The following CSTPP1 variants were observed in gnomAD, a reference collection of about 807,000 sequenced individuals.
CSTPP1 encodes centriolar satellite-associated tubulin polyglutamylase complex regulator 1.
the CSTPP1 span, among the ~76,000 whole-genome samples, chr11:46,993,146 C>T: frequency 2.6e-5 from 4 of 152,180 alleles, no homozygotes; most frequent in Admixed American, 6.5e-5. Flanking sequence ...AGCCCTTTGT[C>T]AGATGGGTAG....
chr11:47,014,703 CAAAGAA>C, the CSTPP1 span, among the ~76,000 whole-genome samples: 1 of 115,050 alleles, frequency 8.7e-6, no homozygotes. Context: ...AACTCTGTCT[CAAAGAA>C]AGAGAAAGAG....
the CSTPP1 span, among the ~76,000 whole-genome samples, chr11:47,135,812 T>C: frequency 6.6e-6 from 1 of 152,222 alleles, no homozygotes; most frequent in Non-Finnish European, 1.5e-5. Flanking sequence ...GCTTTTGTTG[T>C]GTTAGAGAAG....
chr11:47,017,287 A>T, the CSTPP1 span, among the ~76,000 whole-genome samples: 1 of 143,458 alleles, frequency 7.0e-6, no homozygotes, highest in Non-Finnish European at 1.5e-5. Flanking sequence ...CGGTTCTCCC[A>T]CCTCAATCAC....
the CSTPP1 span, chr11:47,161,611 T>G: frequency 6.2e-7 from 1 of 1,613,748 alleles, no homozygotes; most frequent in South Asian, 1.1e-5. Flanking sequence ...ATGGCTCCAC[T>G]GAAGAGACAG....
the CSTPP1 span, among the ~76,000 whole-genome samples, chr11:47,134,556 T>C: frequency 6.6e-6 from 1 of 152,180 alleles, no homozygotes; most frequent in Non-Finnish European, 1.5e-5. Context: ...CAGTTATTGC[T>C]GGAGCACAAA....
At chr11:46,987,415 C>T in the CSTPP1 span, 1 of 962,586 alleles carries the variant, frequency 1.0e-6, no homozygotes, top group Non-Finnish European at 1.7e-6. Context: ...TAGGTAGTGG[C>T]AGTGAATGTT....
the CSTPP1 span, among the ~76,000 whole-genome samples, chr11:47,145,981 T>G: frequency 6.6e-6 from 1 of 152,104 alleles, no homozygotes; most frequent in Non-Finnish European, 1.5e-5. Context: ...GCTCCCAGGC[T>G]CAGGCAGTTT....
the CSTPP1 span, among the ~76,000 whole-genome samples, chr11:47,139,982 C>T: frequency 6.6e-6 from 1 of 152,160 alleles, no homozygotes; most frequent in Admixed American, 6.5e-5. Context: ...AATCACCTCG[C>T]TCCTTTTGAA....
chr11:47,154,940 G>T, the CSTPP1 span: 3 of 585,084 alleles, frequency 5.1e-6, no homozygotes, highest in African/African-American at 5.6e-5. Context: ...GGTACAGTGT[G>T]GTCAGTTCAG....
At chr11:47,162,743 A>AGT in the CSTPP1 span, among the ~76,000 whole-genome samples, 1 of 152,294 alleles carries the variant, frequency 6.6e-6, no homozygotes, top group East Asian at 1.9e-4. Context: ...GCCCAAGCAG[A>AGT]ACAGGACTGC....
the CSTPP1 span, chr11:47,161,192 T>TA: frequency 6.2e-7 from 1 of 1,613,536 alleles, no homozygotes; most frequent in South Asian, 1.1e-5. Flanking sequence ...GGAACGGCTG[T>TA]AAGTGTCAAG....
the CSTPP1 span, among the ~76,000 whole-genome samples, chr11:47,119,028 T>G: frequency 6.6e-6 from 1 of 152,232 alleles, no homozygotes; most frequent in Admixed American, 6.5e-5. Context: ...GCAGAAGTTG[T>G]CTGCTGCCTT....
chr11:46,947,414 G>A, the CSTPP1 span, among the ~76,000 whole-genome samples: 1 of 152,206 alleles, frequency 6.6e-6, no homozygotes, highest in Non-Finnish European at 1.5e-5. Context: ...ATCAAAGAGA[G>A]GAGGGATTTT....
the CSTPP1 span, among the ~76,000 whole-genome samples, chr11:47,153,941 CTTT>C: frequency 1.6e-4 from 25 of 151,870 alleles, no homozygotes; most frequent in African/African-American, 1.9e-4. Flanking sequence ...CAAAAGAAAA[CTTT>C]TTTTGTTTTT....
chr11:47,074,046 A>C, the CSTPP1 span, among the ~76,000 whole-genome samples: 1 of 152,192 alleles, frequency 6.6e-6, no homozygotes, highest in African/African-American at 2.4e-5. Flanking sequence ...TTCTATTAAA[A>C]AAATCAAATT....
chr11:47,084,761 T>C, the CSTPP1 span, among the ~76,000 whole-genome samples: 1 of 152,192 alleles, frequency 6.6e-6, no homozygotes, highest in African/African-American at 2.4e-5. Flanking sequence ...TGATCTAAGG[T>C]AGTGTATGCC....
the CSTPP1 span, among the ~76,000 whole-genome samples, chr11:47,056,994 A>C: frequency 3.3e-5 from 5 of 152,312 alleles, no homozygotes; most frequent in Admixed American, 3.3e-4. Flanking sequence ...CCACCTGTAG[A>C]ACTCTAAGGA....
the CSTPP1 span, among the ~76,000 whole-genome samples, chr11:46,964,577 G>C: frequency 6.6e-6 from 1 of 152,158 alleles, no homozygotes; most frequent in African/African-American, 2.4e-5. Flanking sequence ...GAGCCACCGC[G>C]CCTGGCCCAC....
chr11:46,968,815 C>G, the CSTPP1 span, among the ~76,000 whole-genome samples: 12,953 of 151,662 alleles, frequency 0.085, 1,848 homozygotes, highest in African/African-American at 0.3. Flanking sequence ...AGGAGAATCG[C>G]TTGAACCCGG....
Sources: allele counts gnomAD v4.1 joint callset (sites outside exome capture counted in the v4.1 genomes callset), GRCh38; gene constraint gnomAD v4.1.1; transcripts MANE v1.5; gene names NCBI Gene and HGNC (gene_info 2026-07-23, HGNC 2026-07-21).